SMAD3: variants seen among roughly 807,000 people sequenced by gnomAD.
The protein encoded by SMAD3 is SMAD family member 3, also known as MAD homolog 3.
A neutral mutation model predicts 51.8 loss-of-function variants in SMAD3; 12 were observed. The ratio of observed to expected loss-of-function variants is 0.23; its 90% CI spans 0.15 to 0.38. The LOEUF (loss-of-function observed/expected upper bound fraction) is 0.38. SMAD3 is among the 10% of genes least tolerant of loss of function. SMAD3 has a pLI of 1.00. For synonymous variants in SMAD3, 238 were observed against 227.7 expected, an observed-to-expected ratio of 1.05 and a Z score of -0.41; for missense variants, 294 against 565.6, an observed-to-expected ratio of 0.52 and a Z score of 4.87.
chr15:67,112,325 A>AT (rs56655463), intron 1 of SMAD3, among the ~76,000 whole-genome samples: 14,921 of 101,224 alleles, frequency 0.15, 1,243 homozygotes, highest in East Asian at 0.37. Flanking sequence ...AATTTTTTGT[A>AT]TTTTTTTTTT....
In SMAD3 at chr15:67,190,621, T is replaced by C. The variant is rs1380862743; in HGVS notation, c.*85T>C. On this transcript the variant is annotated 3_prime_UTR_variant, in exon 9 of 9. Transcript: ENST00000327367. ...GAAAATTGGAACTCTACTCAACCCA[T>C]TGTTGTCAAGGAAGAAGAAATCTTT... 8.4e-6 allele frequency: 12 copies of C among 1,420,310 alleles called. No individual in the cohort carries two copies. The African/African-American group carries it at 1.5e-4, about 18-fold the overall frequency. The allele number at this position is 1,420,310 out of a possible 1,614,324, so 88.0% of individuals were successfully genotyped here. A position where few individuals can be genotyped will look rare whatever the true frequency, so the allele number is the denominator to read the frequency against.
At chr15:67,070,124 T>A (rs1417043470) in intron 1 of SMAD3, among the ~76,000 whole-genome samples, 1 of 152,248 alleles carries the variant, frequency 6.6e-6, no homozygotes. Flanking sequence ...TTTCTGGGGA[T>A]AGACCTATTA....
At chr15:67,098,552 A>G in intron 1 of SMAD3, 1 of 349,908 alleles carries the variant, frequency 2.9e-6, no homozygotes, top group Non-Finnish European at 5.4e-6. Flanking sequence ...CAGCCCCGGT[A>G]GCCTGTCACT....
intron 1 of SMAD3, chr15:67,138,002 C>T (rs1324981391): frequency 7.8e-6 from 12 of 1,535,320 alleles, no homozygotes; most frequent in Non-Finnish European, 1.1e-5. Context: ...CCCTCCCGTC[C>T]CTGTGACCTC....
chr15:67,141,586 T>C (rs1961823225), intron 1 of SMAD3, among the ~76,000 whole-genome samples: 1 of 152,188 alleles, frequency 6.6e-6, no homozygotes, highest in Non-Finnish European at 1.5e-5. Flanking sequence ...GACCCTTGTC[T>C]GGCAGTCCCT....
intron 1 of SMAD3, among the ~76,000 whole-genome samples, chr15:67,092,189 GC>G (rs1470295018): frequency 6.6e-6 from 1 of 152,188 alleles, no homozygotes; most frequent in Non-Finnish European, 1.5e-5. Flanking sequence ...TCAGGGCTCA[GC>G]CCCAGGGAGG....
chr15:67,173,214 G>A (rs899344080), intron 5 of SMAD3, among the ~76,000 whole-genome samples: 1 of 152,114 alleles, frequency 6.6e-6, no homozygotes, highest in Non-Finnish European at 1.5e-5. Context: ...ACTGATGCTG[G>A]GGGCCAGAGC....
intron 1 of SMAD3, among the ~76,000 whole-genome samples, chr15:67,132,018 T>G (rs1436637607): frequency 6.6e-6 from 1 of 152,204 alleles, no homozygotes; most frequent in African/African-American, 2.4e-5. Flanking sequence ...CCTGTCTCTG[T>G]TGGGAGGACC....
chr15:67,182,326 G>A (rs976558078), intron 6 of SMAD3, among the ~76,000 whole-genome samples: 2 of 152,190 alleles, frequency 1.3e-5, no homozygotes, highest in South Asian at 2.1e-4. Context: ...GCTGTGTTAC[G>A]CATCACTTGG....
chr15:67,126,436 A>G (rs563242945), intron 1 of SMAD3, among the ~76,000 whole-genome samples: 1 of 152,226 alleles, frequency 6.6e-6, no homozygotes, highest in African/African-American at 2.4e-5. Context: ...TTTCTAATGG[A>G]ACTCTTGGGG....
intron 1 of SMAD3, among the ~76,000 whole-genome samples, chr15:67,133,958 T>A (rs1205805475): frequency 6.6e-6 from 1 of 151,992 alleles, no homozygotes; most frequent in Non-Finnish European, 1.5e-5. Context: ...TGCCCCCCTC[T>A]CTCCTGGGTG....
chr15:67,111,236 A>G (rs1961006393), intron 1 of SMAD3, among the ~76,000 whole-genome samples: 1 of 152,224 alleles, frequency 6.6e-6, no homozygotes, highest in Non-Finnish European at 1.5e-5. Context: ...TGTAGATGAA[A>G]TCATACAATT....
chr15:67,113,098 T>A lies in SMAD3; in HGVS notation c.206+46738T>A, dbSNP rs866505220. 9.8e-4 allele frequency among the ~76,000 whole-genome samples: 19 copies of A among 19,350 alleles called. 5 individuals are homozygous for A. The highest frequency in any genetic ancestry group is 3.5e-3 in the East Asian group (3 of 858). 12.7% of individuals were successfully genotyped at this position (19,350 alleles called of 152,430 possible). ...TGTGTATATATATATATATATATTTTTTTGAGACAGAGTCTTGCTCTGTCA... is the reference window on the plus strand; with the variant it reads ...TGTGTATATATATATATATATATTTATTTGAGACAGAGTCTTGCTCTGTCA... On this transcript the variant is annotated intron_variant, in intron 1 of 8. Coordinates refer to ENST00000327367, the MANE Select transcript of SMAD3 (RefSeq NM_005902.4).
intron 1 of SMAD3, among the ~76,000 whole-genome samples, chr15:67,144,696 G>A (rs949877332): frequency 2.6e-5 from 4 of 152,172 alleles, no homozygotes; most frequent in Non-Finnish European, 4.4e-5. Flanking sequence ...TAGAGCTGCC[G>A]TGTTCTTAGA....
intron 1 of SMAD3, 102 bp downstream of exon 1, chr15:67,066,462 G>A: frequency 3.1e-6 from 3 of 963,948 alleles, no homozygotes; most frequent in Non-Finnish European, 4.8e-6. Context: ...GGAGAGAGAG[G>A]GAGGGAGTGA....
At chr15:67,111,840 T>G (rs1382426217) in intron 1 of SMAD3, among the ~76,000 whole-genome samples, 1 of 152,218 alleles carries the variant, frequency 6.6e-6, no homozygotes, top group East Asian at 1.9e-4. Context: ...CAGGCTGGAG[T>G]GCAATGGTGC....
At position 67,134,695 on chromosome 15, in the gene SMAD3, C is replaced by G. The variant is rs572886931; in HGVS notation, c.207-30200C>G. On this transcript the variant is annotated intron_variant, in intron 1 of 8. Transcript: ENST00000327367. ...TGTTGGGAAATTACTAAAGGCGCGA[C>G]TCTGGCTCTCAAAGACTCTGAAGTC... is the stretch of plus-strand genomic sequence containing the variant. 1.4e-4 allele frequency among the ~76,000 whole-genome samples: 21 copies of G among 152,318 alleles called. No individual in the cohort carries two copies. The South Asian group carries it at 4.3e-3, about 32-fold the overall frequency.
At chr15:67,134,203 C>G (rs1194970083) in intron 1 of SMAD3, among the ~76,000 whole-genome samples, 1 of 152,012 alleles carries the variant, frequency 6.6e-6, no homozygotes, top group African/African-American at 2.4e-5. Flanking sequence ...CCTGCAACGC[C>G]CCACCAAGCC....
intron 1 of SMAD3, among the ~76,000 whole-genome samples, chr15:67,082,364 A>C (rs958521125): frequency 2.6e-5 from 4 of 152,062 alleles, no homozygotes; most frequent in African/African-American, 9.7e-5. Context: ...CCACCCCTCC[A>C]CCAGTCTTAT....
Sources: allele counts gnomAD v4.1 joint callset (sites outside exome capture counted in the v4.1 genomes callset), GRCh38; gene constraint gnomAD v4.1.1; transcripts MANE v1.5; gene names NCBI Gene and HGNC (gene_info 2026-07-23, HGNC 2026-07-21).